Variants in PKNOX2 observed in about 807,000 individuals in gnomAD.
PKNOX2 encodes the protein homeobox protein PKNOX2.
PKNOX2 carries 14 observed loss-of-function variants against 53.1 expected under a neutral mutation model. The observed-to-expected ratio is 0.26, with a 90% CI of 0.17 to 0.41. PKNOX2 has a LOEUF of 0.41. Among genes scored for constraint, PKNOX2 ranks in the 10% least tolerant of loss-of-function variants. The probability of loss-of-function intolerance (pLI) is 1.00; values close to 1 mark genes in which losing one functional copy is unlikely to be tolerated. For synonymous variants in PKNOX2, 257 were observed against 242.8 expected, an observed-to-expected ratio of 1.06 and a Z score of -0.54; for missense variants, 496 against 602.8, an observed-to-expected ratio of 0.82 and a Z score of 1.85.
At chr11:125,404,521 C>T (rs547763968) in intron 7 of PKNOX2, among the ~76,000 whole-genome samples, 15 of 152,280 alleles carry the variant, frequency 9.9e-5, no homozygotes, top group Admixed American at 8.5e-4. Flanking sequence ...CTGGCTCTGC[C>T]AGAACGGAGG....
At chr11:125,291,537 T>C (rs1274678062) in intron 2 of PKNOX2, among the ~76,000 whole-genome samples, 37 of 152,144 alleles carry the variant, frequency 2.4e-4, no homozygotes, top group Non-Finnish European at 1.5e-5. Flanking sequence ...GAATTACCAT[T>C]TGAGCCAGCA....
At chr11:125,242,470 G>C (rs182822486) in intron 2 of PKNOX2, among the ~76,000 whole-genome samples, 1 of 152,182 alleles carries the variant, frequency 6.6e-6, no homozygotes, top group African/African-American at 2.4e-5. Context: ...GCATGTACCT[G>C]CCTGTGTGTG....
intron 2 of PKNOX2, among the ~76,000 whole-genome samples, chr11:125,304,258 A>G (rs1948272289): frequency 6.6e-6 from 1 of 152,248 alleles, no homozygotes; most frequent in South Asian, 2.1e-4. Context: ...TCTGGCCCTG[A>G]AAAGACGTTC....
In PKNOX2 at chr11:125,359,914, G is replaced by A. The variant is rs376983139; in HGVS notation, c.88-7932G>A. Among the ~76,000 whole-genome samples, 157 of 152,276 alleles carry A rather than the reference G, an allele frequency of 1.0e-3. No homozygotes were observed. The South Asian group carries it at 0.023, about 23-fold the overall frequency. The stretch of plus-strand genomic sequence containing the variant: ...TTTTTTTATATTTTTAGTAGAGATG[G>A]AGGTTCTCCATGTTGGTCAGGCTGG... On this transcript the variant is annotated intron_variant, in intron 4 of 12. Transcript: ENST00000298282.
chr11:125,204,081 G>C (rs1938779634), intron 1 of PKNOX2, among the ~76,000 whole-genome samples: 1 of 152,212 alleles, frequency 6.6e-6, no homozygotes, highest in Admixed American at 6.5e-5. Context: ...GACCTAGAAA[G>C]CAAATTTCCT....
At chr11:125,416,189 G>A (rs1955866125) in intron 10 of PKNOX2, among the ~76,000 whole-genome samples, 1 of 150,562 alleles carries the variant, frequency 6.6e-6, no homozygotes, top group African/African-American at 2.5e-5. Flanking sequence ...TGTAGTCCCA[G>A]CTACTTGGGA....
At chr11:125,197,203 G>A (rs182268539) in intron 1 of PKNOX2, among the ~76,000 whole-genome samples, 81 of 152,318 alleles carry the variant, frequency 5.3e-4, no homozygotes, top group Non-Finnish European at 1.0e-3. Context: ...GACTCTCATG[G>A]ATACCTTGGT....
chr11:125,414,661 G>C (rs1407677904), intron 10 of PKNOX2, among the ~76,000 whole-genome samples: 1 of 151,792 alleles, frequency 6.6e-6, no homozygotes, highest in Non-Finnish European at 1.5e-5. Flanking sequence ...ACGGTAGAAA[G>C]AAGACAGGAT....
chr11:125,219,753 T>A (rs1010354726), intron 1 of PKNOX2, among the ~76,000 whole-genome samples: 4 of 152,352 alleles, frequency 2.6e-5, no homozygotes, highest in African/African-American at 7.2e-5. Flanking sequence ...AGCCAAAAAA[T>A]TTGATATCGC....
At position 125,215,026 on chromosome 11, in the gene PKNOX2, C is replaced by T. The variant is rs534158975; in HGVS notation, c.-200-20019C>T. Among the ~76,000 whole-genome samples, 296 of 152,104 alleles carry T rather than the reference C, an allele frequency of 1.9e-3. 2 individuals are homozygous for T. Among genetic ancestry groups the T allele is most frequent in the South Asian group, 0.015 (70 of 4,812 alleles). ...CAAAGAGAAATCTGTGGTGGGAGAG[C>T]GTCCGCGAAGGAAATAAAATCTCCA... is the stretch of plus-strand genomic sequence containing the variant. On this transcript the variant is annotated intron_variant, in intron 1 of 12. Coordinates refer to ENST00000298282, the MANE Select transcript of PKNOX2 (RefSeq NM_001382323.2).
chr11:125,307,779 C>T (rs902643965), intron 2 of PKNOX2, among the ~76,000 whole-genome samples: 2 of 152,210 alleles, frequency 1.3e-5, no homozygotes, highest in African/African-American at 2.4e-5. Context: ...CATCTTGCTG[C>T]TAATATGCAA....
At chr11:125,427,206 C>T (rs1956475146) in intron 10 of PKNOX2, among the ~76,000 whole-genome samples, 1 of 152,196 alleles carries the variant, frequency 6.6e-6, no homozygotes, top group Non-Finnish European at 1.5e-5. Context: ...CCCCCTGGGG[C>T]CATCTGCACC....
intron 1 of PKNOX2, among the ~76,000 whole-genome samples, chr11:125,181,351 G>A (rs1956147989): frequency 6.6e-6 from 1 of 152,258 alleles, no homozygotes; most frequent in Non-Finnish European, 1.5e-5. Context: ...GGTCAAGGGA[G>A]GAGGTTACAC....
intron 4 of PKNOX2, among the ~76,000 whole-genome samples, chr11:125,364,287 C>T (rs905157266): frequency 3.3e-5 from 5 of 152,190 alleles, no homozygotes; most frequent in African/African-American, 1.2e-4. Flanking sequence ...GCTGACTTGG[C>T]CCCCATGAGC....
intron 1 of PKNOX2, among the ~76,000 whole-genome samples, chr11:125,197,615 G>T (rs1050493619): frequency 6.6e-6 from 1 of 152,132 alleles, no homozygotes; most frequent in Non-Finnish European, 1.5e-5. Context: ...TAACAACACA[G>T]GTCTGCCTCA....
chr11:125,424,307 A>G (rs1591568503), intron 10 of PKNOX2, among the ~76,000 whole-genome samples: 1 of 152,146 alleles, frequency 6.6e-6, no homozygotes, highest in Non-Finnish European at 1.5e-5. Flanking sequence ...CAGAAAGAGA[A>G]GTTTCTCGGG....
rs745431594 is a variant in PKNOX2 at position 125,183,645 on chromosome 11, C to CT, written c.-201+18880dup. 2.5e-3 allele frequency among the ~76,000 whole-genome samples: 374 copies of CT among 147,512 alleles called. 2 individuals are homozygous for CT. Among genetic ancestry groups the CT allele is most frequent in the Non-Finnish European group, 3.9e-3 (258 of 66,472 alleles). On this transcript the variant is annotated intron_variant, in intron 1 of 12. Transcript: ENST00000298282. ...AAGACACTGACTCTTTTTTTATTAACTTTTTTTTTTTGCATTGACTCTTTT... is the reference window on the plus strand; with the variant it reads ...AAGACACTGACTCTTTTTTTATTAACTTTTTTTTTTTTGCATTGACTCTTTT...
In PKNOX2 at chr11:125,367,879, C is replaced by A; in HGVS notation, c.121C>A (p.Gln41Lys). Residue 41 changes from glutamine to lysine, a missense_variant, in exon 5 of 13, where the codon CAG becomes AAG. This residue lies in a region of PKNOX2 where 168 missense variants were observed against 178.4 expected (regional missense o/e 0.94). Transcript: ENST00000298282. ...AACCGCCCAGCCACCCTCCAAGGCC[C>A]AGGCTGTCCACATCTCTGCCCCCTC... ...TATAQPPSKA[Q>K]AVHISAPSAA... 6.2e-7 allele frequency: 1 copy of A among 1,613,536 alleles called. No individual in the cohort carries two copies. Among genetic ancestry groups the A allele is most frequent in the Non-Finnish European group, 8.5e-7 (1 of 1,179,906 alleles).
intron 5 of PKNOX2, among the ~76,000 whole-genome samples, chr11:125,371,662 T>C (rs1591546075): frequency 6.6e-6 from 1 of 150,402 alleles, no homozygotes; most frequent in African/African-American, 2.5e-5. Flanking sequence ...GGGGAGGAGG[T>C]TGGCTTTGCG....
Sources: gnomAD v4.1 joint callset for allele counts (sites outside exome capture counted in the v4.1 genomes callset) on GRCh38, gnomAD v4.1.1 for gene constraint, gnomAD v4.1.1 regional missense constraint, MANE v1.5 for transcripts, NCBI Gene and HGNC (gene_info 2026-07-23, HGNC 2026-07-21) for gene names.